The following PHF20 variants were observed in gnomAD, a reference collection of about 807,000 sequenced individuals.
The protein encoded by PHF20 is glioma-expressed antigen 2.
A neutral mutation model predicts 113.5 loss-of-function variants in PHF20; 23 were observed. That is an observed-to-expected ratio of 0.20 (90% CI 0.15 to 0.29). PHF20 has a LOEUF of 0.29. Among genes scored for constraint, PHF20 ranks in the 10% least tolerant of loss-of-function variants. The probability of loss-of-function intolerance (pLI) is 1.00; values close to 1 mark genes in which losing one functional copy is unlikely to be tolerated. For missense variants in PHF20, 943 were observed against 1,219.6 expected (o/e 0.77, Z 3.38); for synonymous variants, 434 against 457.3 (o/e 0.95, Z 0.65).
At chr20:35,893,804 TG>T (rs2054924990) in intron 9 of PHF20, among the ~76,000 whole-genome samples, 1 of 151,432 alleles carries the variant, frequency 6.6e-6, no homozygotes, top group Non-Finnish European at 1.5e-5. Context: ...TTAGTAGAGA[TG>T]GGGTTTCACC....
At chr20:35,919,336 A>ATT (rs751803907) in intron 13 of PHF20, among the ~76,000 whole-genome samples, 31 of 112,612 alleles carry the variant, frequency 2.8e-4, no homozygotes, top group African/African-American at 4.0e-4. Flanking sequence ...TGTTATGGTA[A>ATT]TTTTTTTTTT....
chr20:35,895,917 C>A (rs958417727), intron 9 of PHF20, among the ~76,000 whole-genome samples: 4 of 152,004 alleles, frequency 2.6e-5, no homozygotes, highest in Admixed American at 2.6e-4. Flanking sequence ...GAATTCCCGA[C>A]GTCATATGAT....
chr20:35,864,356 A>G (rs1407808864), intron 6 of PHF20, among the ~76,000 whole-genome samples: 4 of 151,300 alleles, frequency 2.6e-5, no homozygotes, highest in Admixed American at 2.0e-4. Context: ...GGATTGCTTG[A>G]GCCCAAGAAT....
At chr20:35,849,496 C>T (rs1172592367) in intron 4 of PHF20, 2 of 468,150 alleles carry the variant, frequency 4.3e-6, no homozygotes, top group Non-Finnish European at 8.8e-6. Context: ...AGGCACCTGT[C>T]TCTATAAGGT....
intron 16 of PHF20, among the ~76,000 whole-genome samples, chr20:35,940,301 A>C (rs776140352): frequency 6.6e-6 from 1 of 152,166 alleles, no homozygotes; most frequent in Non-Finnish European, 1.5e-5. Flanking sequence ...ACTGGGCCTC[A>C]GCAAAGCAAC....
rs1023456742 is a variant in PHF20, at chr20:35,949,855, C to A, written c.*2228C>A. 1 of 152,606 alleles carries A rather than the reference C, an allele frequency of 6.6e-6. No homozygotes were observed. The highest frequency in any genetic ancestry group is 1.5e-5 in the Non-Finnish European group (1 of 68,072). The allele number at this position is 152,606 out of a possible 1,614,324, so 9.5% of individuals were successfully genotyped here. On this transcript the variant is annotated 3_prime_UTR_variant, in exon 18 of 18. Coordinates refer to ENST00000374012, the MANE Select transcript of PHF20 (RefSeq NM_016436.5). ...ATCACCTGAGGTCAGGAGTTCGAGACCAGCCTGGCCAACAGGGTGAAACCC... is the reference window on the plus strand; with the variant it reads ...ATCACCTGAGGTCAGGAGTTCGAGAACAGCCTGGCCAACAGGGTGAAACCC...
chr20:35,783,299 G>A (rs185436852), intron 1 of PHF20, among the ~76,000 whole-genome samples: 91 of 152,288 alleles, frequency 6.0e-4, no homozygotes, highest in African/African-American at 2.0e-3. Flanking sequence ...TATTACTTTT[G>A]TTTTATTCCT....
In PHF20 at chr20:35,871,141, C is replaced by A; in HGVS notation, c.1102+7C>A. ...ACCAAGGAATCTGAAGAAGGTGAGTCAGTCTGTTCAGGAATTGTCTTGCCA... is the reference window on the plus strand; with the variant it reads ...ACCAAGGAATCTGAAGAAGGTGAGTAAGTCTGTTCAGGAATTGTCTTGCCA... On this transcript the variant is annotated splice_region_variant and intron_variant, in intron 8 of 17. Transcript: ENST00000374012. 1 of 1,604,730 alleles carries A rather than the reference C, an allele frequency of 6.2e-7. No individual in the cohort carries two copies. The highest frequency in any genetic ancestry group is 1.1e-5 in the South Asian group (1 of 88,882).
intron 10 of PHF20, among the ~76,000 whole-genome samples, chr20:35,904,277 ATTTTTTTTTTTT>A (rs34412788): frequency 1.0e-5 from 1 of 98,924 alleles, no homozygotes; most frequent in Non-Finnish European, 2.0e-5. Context: ...GAATGCTCTG[ATTTTTTTTTTTT>A]TTTTTTTTTT....
chr20:35,864,479 A>G (rs977493659), intron 6 of PHF20, among the ~76,000 whole-genome samples: 1 of 151,968 alleles, frequency 6.6e-6, no homozygotes, highest in African/African-American at 2.4e-5. Flanking sequence ...CTGTGGAACT[A>G]CAGAGCAAAC....
At chr20:35,902,306 C>T (rs746499061) in intron 10 of PHF20, among the ~76,000 whole-genome samples, 1 of 152,144 alleles carries the variant, frequency 6.6e-6, no homozygotes, top group Non-Finnish European at 1.5e-5. Context: ...TGCTGGATAT[C>T]GTAATGGATT....
At chr20:35,806,612 G>A (rs564772432) in intron 2 of PHF20, among the ~76,000 whole-genome samples, 143 of 152,088 alleles carry the variant, frequency 9.4e-4, no homozygotes, top group African/African-American at 3.3e-3. Context: ...AATACCACTT[G>A]TATGTACTAA....
At chr20:35,878,744 G>A (rs1600865192) in intron 9 of PHF20, 3 of 746,180 alleles carry the variant, frequency 4.0e-6, no homozygotes, top group South Asian at 2.9e-5. Context: ...AAGAAGAGAC[G>A]CTGTCTTGCT....
intron 12 of PHF20, 63 bp downstream of exon 12, chr20:35,914,260 G>T (rs1052981980): frequency 1.7e-5 from 26 of 1,522,864 alleles, no homozygotes; most frequent in East Asian, 2.3e-5. Context: ...AAGCATACCT[G>T]GGAGATATTA....
intron 2 of PHF20, among the ~76,000 whole-genome samples, chr20:35,823,168 T>G (rs957786102): frequency 1.3e-5 from 2 of 152,170 alleles, no homozygotes; most frequent in Non-Finnish European, 2.9e-5. Context: ...ACAATATTCA[T>G]AAAAAGACAA....
intron 1 of PHF20, among the ~76,000 whole-genome samples, chr20:35,800,772 AAAAT>A (rs968321069): frequency 1.3e-5 from 2 of 152,192 alleles, no homozygotes; most frequent in East Asian, 1.9e-4. Flanking sequence ...TCTGTCTCAA[AAAAT>A]AAATAAATAA....
chr20:35,798,475 A>G (rs2041712824), intron 1 of PHF20, among the ~76,000 whole-genome samples: 1 of 150,936 alleles, frequency 6.6e-6, no homozygotes, highest in Admixed American at 6.6e-5. Context: ...TTTTTTTGAG[A>G]CAGAATTTCA....
chr20:35,830,013 A>G (rs561707797), intron 2 of PHF20, among the ~76,000 whole-genome samples: 5 of 151,592 alleles, frequency 3.3e-5, no homozygotes, highest in Non-Finnish European at 7.4e-5. Flanking sequence ...TCCTGGGTTC[A>G]AGCAGTTCTG....
chr20:35,777,597 C>T (rs1006778532), intron 1 of PHF20, among the ~76,000 whole-genome samples: 4 of 152,192 alleles, frequency 2.6e-5, no homozygotes, highest in Non-Finnish European at 5.9e-5. Context: ...GGGAGGATTG[C>T]TTGAAGCCAG....
Sources: allele counts gnomAD v4.1 joint callset (sites outside exome capture counted in the v4.1 genomes callset), GRCh38; gene constraint gnomAD v4.1.1; transcripts MANE v1.5; gene names NCBI Gene and HGNC (gene_info 2026-07-23, HGNC 2026-07-21).